SCHIP1: variants seen among roughly 807,000 people sequenced by gnomAD.
SCHIP1 encodes schwannomin interacting protein 1.
In SCHIP1, 8 loss-of-function variants were observed where a neutral mutation model predicts 29.7. The observed-to-expected ratio is 0.27, with a 90% CI of 0.16 to 0.49. The LOEUF (loss-of-function observed/expected upper bound fraction) is 0.49, where lower values mean the gene tolerates loss of function less well. Ranked by LOEUF, SCHIP1 falls within the 20% of genes least tolerant of loss-of-function variation. The pLI is 0.99. For synonymous variants in SCHIP1, 76 were observed against 94.9 expected (o/e 0.80, Z 1.16); for missense variants, 193 against 294.6 (o/e 0.66, Z 2.52).
the SCHIP1 span, among the ~76,000 whole-genome samples, chr3:159,791,170 G>A: frequency 6.6e-6 from 1 of 152,208 alleles, no homozygotes; most frequent in African/African-American, 2.4e-5. Context: ...CAACCACTCA[G>A]TGCAGGGAGG....
chr3:159,837,540 A>C (rs1252577964), upstream of SCHIP1, among the ~76,000 whole-genome samples: 6 of 152,056 alleles, frequency 3.9e-5, no homozygotes, highest in Admixed American at 3.9e-4. Context: ...CTGGCCAACA[A>C]GGTGAAACCG....
chr3:159,384,822 C>T, the SCHIP1 span, among the ~76,000 whole-genome samples: 1 of 152,138 alleles, frequency 6.6e-6, no homozygotes, highest in Non-Finnish European at 1.5e-5. Context: ...TCAACTTCTT[C>T]CTGGTTTAGT....
chr3:159,497,635 C>G, the SCHIP1 span, among the ~76,000 whole-genome samples: 1 of 150,684 alleles, frequency 6.6e-6, no homozygotes, highest in Non-Finnish European at 1.5e-5. Flanking sequence ...AGAAGAACAA[C>G]AAGCAGAAGC....
At chr3:159,884,309 T>G (rs955443887) in intron 2 of SCHIP1, among the ~76,000 whole-genome samples, 4 of 151,692 alleles carry the variant, frequency 2.6e-5, no homozygotes, top group African/African-American at 7.3e-5. Context: ...CTGAACATAT[T>G]AGATTTCTCC....
At chr3:159,503,477 T>A in the SCHIP1 span, among the ~76,000 whole-genome samples, 13 of 152,300 alleles carry the variant, frequency 8.5e-5, no homozygotes, top group South Asian at 2.5e-3. Context: ...CATATCCCTC[T>A]GGCAATATGA....
chr3:159,529,456 TTTTTTA>T, the SCHIP1 span, among the ~76,000 whole-genome samples: 2 of 152,144 alleles, frequency 1.3e-5, no homozygotes, highest in Admixed American at 6.5e-5. Context: ...ATGTTCCCTT[TTTTTTA>T]TTTTTATTTT....
chr3:159,582,419 G>A, the SCHIP1 span, among the ~76,000 whole-genome samples: 4 of 151,922 alleles, frequency 2.6e-5, no homozygotes, highest in African/African-American at 4.8e-5. Flanking sequence ...CTCCTGCCTC[G>A]GCCTCCCAAA....
chr3:159,719,464 A>G, the SCHIP1 span, among the ~76,000 whole-genome samples: 1 of 152,218 alleles, frequency 6.6e-6, no homozygotes, highest in Non-Finnish European at 1.5e-5. Context: ...GAATGGGAGA[A>G]AATTTTTGCA....
the SCHIP1 span, among the ~76,000 whole-genome samples, chr3:159,713,280 G>T: frequency 7.2e-6 from 1 of 139,240 alleles, no homozygotes; most frequent in Non-Finnish European, 1.6e-5. Flanking sequence ...AAGAAAGAAA[G>T]AAAGAAAAAA....
At chr3:159,620,376 T>G in the SCHIP1 span, among the ~76,000 whole-genome samples, 1 of 152,330 alleles carries the variant, frequency 6.6e-6, no homozygotes, top group South Asian at 2.1e-4. Context: ...AACTCCATGA[T>G]AGGCCATGCA....
At chr3:159,557,188 A>G in the SCHIP1 span, among the ~76,000 whole-genome samples, 1 of 151,866 alleles carries the variant, frequency 6.6e-6, no homozygotes, top group Non-Finnish European at 1.5e-5. Flanking sequence ...CGATCTCCTG[A>G]CCTCATGATC....
chr3:159,382,109 CATTTT>C, the SCHIP1 span, among the ~76,000 whole-genome samples: 12 of 148,316 alleles, frequency 8.1e-5, 1 homozygote, highest in Middle Eastern at 3.4e-3. Context: ...TTTTTTAGTT[CATTTT>C]ATTATTACTA....
At chr3:159,369,320 T>C in the SCHIP1 span, among the ~76,000 whole-genome samples, 1 of 152,206 alleles carries the variant, frequency 6.6e-6, no homozygotes, top group Non-Finnish European at 1.5e-5. Flanking sequence ...ATAACATAAA[T>C]GTACTGTTGA....
the SCHIP1 span, among the ~76,000 whole-genome samples, chr3:159,514,082 G>A: frequency 2.4e-4 from 36 of 152,270 alleles, 1 homozygote; most frequent in Admixed American, 8.5e-4. Flanking sequence ...ATTAACTTAC[G>A]CACATCTGGA....
the SCHIP1 span, among the ~76,000 whole-genome samples, chr3:159,816,050 G>C: frequency 1.3e-5 from 2 of 152,012 alleles, no homozygotes; most frequent in Non-Finnish European, 2.9e-5. Context: ...CCAGGTTCAA[G>C]CGAGTCTCCT....
At chr3:159,385,090 T>A in the SCHIP1 span, among the ~76,000 whole-genome samples, 1 of 152,212 alleles carries the variant, frequency 6.6e-6, no homozygotes, top group Non-Finnish European at 1.5e-5. Context: ...GTAATCTTTT[T>A]AATCAGAAAT....
the SCHIP1 span, among the ~76,000 whole-genome samples, chr3:159,771,333 G>A: frequency 3.9e-5 from 6 of 152,272 alleles, no homozygotes; most frequent in Middle Eastern, 3.4e-3. Flanking sequence ...GATGTCTTTA[G>A]TATTCCTACA....
the SCHIP1 span, chr3:159,274,742 T>A: frequency 1.2e-6 from 1 of 824,334 alleles, no homozygotes; most frequent in Non-Finnish European, 1.5e-6. Context: ...ATATTGTCAT[T>A]AAAAAGTAAC....
At chr3:159,495,716 C>G in the SCHIP1 span, among the ~76,000 whole-genome samples, 1 of 152,182 alleles carries the variant, frequency 6.6e-6, no homozygotes, top group Non-Finnish European at 1.5e-5. Context: ...CCATCCCTAT[C>G]AAGCTACCAA....
Sources: allele counts gnomAD v4.1 joint callset (sites outside exome capture counted in the v4.1 genomes callset), GRCh38; gene constraint gnomAD v4.1.1; transcripts MANE v1.5; gene names NCBI Gene and HGNC (gene_info 2026-07-23, HGNC 2026-07-21).